The following GGA2 variants were observed in gnomAD, a reference collection of about 807,000 sequenced individuals.
GGA2 encodes ADP-ribosylation factor-binding protein GGA2.
Under a neutral mutation model 79.5 loss-of-function variants are expected in GGA2, and 48 were observed. That is an observed-to-expected ratio of 0.60 (90% CI 0.48 to 0.77). GGA2 has a LOEUF of 0.77. Among genes scored for constraint, GGA2 ranks in the 30% least tolerant of loss-of-function variants. The probability of loss-of-function intolerance (pLI) is 0.00; values close to 1 mark genes in which losing one functional copy is unlikely to be tolerated. For synonymous variants in GGA2, 317 were observed against 302.0 expected, an observed-to-expected ratio of 1.05 and a Z score of -0.51; for missense variants, 770 against 774.0, an observed-to-expected ratio of 0.99 and a Z score of 0.06.
chr16:23,479,744 C>T (rs1964623556), intron 11 of GGA2, 21 bp downstream of exon 11: 9 of 1,613,244 alleles, frequency 5.6e-6, no homozygotes, highest in Non-Finnish European at 7.6e-6. Context: ...GTGCCTGCTC[C>T]CCACAAGCAC....
intron 6 of GGA2, among the ~76,000 whole-genome samples, chr16:23,487,164 T>C (rs887585430): frequency 6.6e-6 from 1 of 152,092 alleles, no homozygotes; most frequent in Non-Finnish European, 1.5e-5. Context: ...GTGTTTTTAG[T>C]AGAGACAGGG....
At chr16:23,507,000 T>A (rs551592157) in intron 1 of GGA2, among the ~76,000 whole-genome samples, 2 of 152,168 alleles carry the variant, frequency 1.3e-5, no homozygotes, top group Admixed American at 1.3e-4. Flanking sequence ...CAATGGAACA[T>A]CAACATGAAG....
chr16:23,494,443 C>T (rs927018092), intron 2 of GGA2, 65 bp from the exon 3 acceptor site: 1 of 1,018,166 alleles, frequency 9.8e-7, no homozygotes, highest in African/African-American at 1.6e-5. Flanking sequence ...AGTGGCTGAG[C>T]ATGCTCAGTA....
At chr16:23,495,078 G>GA (rs758673521) in intron 2 of GGA2, among the ~76,000 whole-genome samples, 75 of 106,564 alleles carry the variant, frequency 7.0e-4, no homozygotes, top group East Asian at 1.8e-3. Context: ...TCTGTCTCAG[G>GA]AAAAAAAAAA....
rs1964448736 is a variant in GGA2, at chr16:23,467,258, C to A, written c.*332G>T. ...CACTTTGGCTGATAAAACCTCCAAC[C>A]TGAGGCAGGGACAGTGTCGCTCGCT... On this transcript the variant is annotated 3_prime_UTR_variant, in exon 17 of 17. Coordinates refer to ENST00000309859, the MANE Select transcript of GGA2 (RefSeq NM_015044.4). The A allele has an allele frequency of 4.2e-6, 1 of 237,694 alleles. No individual in the cohort carries two copies. The highest frequency in any genetic ancestry group is 9.6e-5 in the East Asian group (1 of 10,460). The allele number at this position is 237,694 out of a possible 1,614,324, so 14.7% of individuals were successfully genotyped here.
intron 2 of GGA2, among the ~76,000 whole-genome samples, chr16:23,517,699 C>G (rs1165423849): frequency 6.6e-6 from 1 of 152,094 alleles, no homozygotes; most frequent in Non-Finnish European, 1.5e-5. Flanking sequence ...CTTCCAACAC[C>G]CATCTACCTG....
At chr16:23,501,446 G>A (rs1176834212) in intron 1 of GGA2, 1 of 433,422 alleles carries the variant, frequency 2.3e-6, no homozygotes. Context: ...TAATATTCAT[G>A]TGTCTGCCAG....
rs760461663 is a variant in GGA2 at position 23,482,904 on chromosome 16, C to T, written c.880+19G>A. 17 of 1,497,982 alleles carry T rather than the reference C, an allele frequency of 1.1e-5. No homozygotes were observed. The highest frequency in any genetic ancestry group is 1.1e-5 in the Non-Finnish European group (12 of 1,073,992). 92.8% of individuals were successfully genotyped at this position (1,497,982 alleles called of 1,614,324 possible). On this transcript the variant is annotated intron_variant, in intron 9 of 16. Transcript: ENST00000309859. ...CTTGCACCTGGGCTGCTAGCTACAC[C>T]CAAGGAAAGAAAACTTACCGAGTGC...
At chr16:23,507,019 A>C (rs1216518144) in intron 1 of GGA2, among the ~76,000 whole-genome samples, 4 of 152,112 alleles carry the variant, frequency 2.6e-5, no homozygotes, top group Non-Finnish European at 5.9e-5. Flanking sequence ...AGAGGGGCTC[A>C]CATGTCCCCC....
At chr16:23,512,654 G>C (rs541569204), upstream of GGA2, among the ~76,000 whole-genome samples, 1 of 148,912 alleles carries the variant, frequency 6.7e-6, no homozygotes, top group African/African-American at 2.5e-5. Flanking sequence ...TCTTTGGACT[G>C]GTTTGAACAT....
rs1354178255 is a variant in GGA2, at chr16:23,464,949, TCA to T, written c.*2639_*2640del. 4.7e-6 allele frequency: 1 copy of T among 213,586 alleles called. No homozygotes were observed. Among genetic ancestry groups the T allele is most frequent in the Non-Finnish European group, 9.5e-6 (1 of 105,348 alleles). 13.2% of individuals were successfully genotyped at this position (213,586 alleles called of 1,614,324 possible). ...CTGAGGATTGGACTCTGGAAAACCA[TCA>T]CACTTAAGAGACAGAGGAAAAAGAG... On this transcript the variant is annotated 3_prime_UTR_variant, in exon 17 of 17. Coordinates refer to ENST00000309859, the MANE Select transcript of GGA2 (RefSeq NM_015044.4).
intron 10 of GGA2, chr16:23,480,238 G>T (rs910873057): frequency 6.1e-6 from 2 of 325,226 alleles, no homozygotes; most frequent in Non-Finnish European, 1.2e-5. Flanking sequence ...ACACCTCCAG[G>T]CCCAGCTCCA....
intron 1 of GGA2, chr16:23,500,995 A>G (rs938187203): frequency 3.0e-6 from 1 of 329,726 alleles, no homozygotes; most frequent in East Asian, 7.8e-5. Flanking sequence ...ACAGTCAGCC[A>G]GCCTGATCTT....
At chr16:23,481,559 GCCC>G (rs1244808447) in intron 9 of GGA2, among the ~76,000 whole-genome samples, 1 of 152,124 alleles carries the variant, frequency 6.6e-6, no homozygotes, top group Non-Finnish European at 1.5e-5. Flanking sequence ...AATCACTTGA[GCCC>G]AGGAGTTTGA....
chr16:23,490,264 C>T (rs1303057539), intron 5 of GGA2, among the ~76,000 whole-genome samples: 2 of 152,180 alleles, frequency 1.3e-5, no homozygotes, highest in East Asian at 1.9e-4. Context: ...ACAAATCTCA[C>T]ACCCAGCTCA....
At chr16:23,479,081 G>A (rs753258269) in intron 11 of GGA2, 170 bp from the exon 12 acceptor site, 3 of 643,306 alleles carry the variant, frequency 4.7e-6, no homozygotes, top group East Asian at 5.5e-5. Context: ...ATATGCAAGG[G>A]GGACCCTCTG....
intron 1 of GGA2, among the ~76,000 whole-genome samples, chr16:23,509,844 G>C (rs1295590886): frequency 6.6e-6 from 1 of 151,118 alleles, no homozygotes; most frequent in Non-Finnish European, 1.5e-5. Flanking sequence ...TCTTTTTGAC[G>C]CGGTAGCCAG....
upstream of GGA2, among the ~76,000 whole-genome samples, chr16:23,514,431 C>G (rs1255835363): frequency 6.6e-6 from 1 of 151,844 alleles, no homozygotes; most frequent in African/African-American, 2.4e-5. Context: ...TTAAATAAAT[C>G]TGTTATGCTT....
chr16:23,491,425 G>A (rs1171873632), intron 5 of GGA2, among the ~76,000 whole-genome samples: 1 of 151,112 alleles, frequency 6.6e-6, no homozygotes, highest in Non-Finnish European at 1.5e-5. Flanking sequence ...TTCATGCTGT[G>A]GTTTCCTATG....
Sources: allele counts gnomAD v4.1 joint callset (sites outside exome capture counted in the v4.1 genomes callset), GRCh38; gene constraint gnomAD v4.1.1; transcripts MANE v1.5; gene names NCBI Gene and HGNC (gene_info 2026-07-23, HGNC 2026-07-21).